Variants in DHRSX observed in about 807,000 individuals in gnomAD.
DHRSX encodes the protein polyprenol dehydrogenase.
A neutral mutation model predicts 34.0 loss-of-function variants in DHRSX; 31 were observed. The ratio of observed to expected loss-of-function variants is 0.91; its 90% CI spans 0.69 to 1.23. The LOEUF (loss-of-function observed/expected upper bound fraction) is 1.23, where lower values mean the gene tolerates loss of function less well. Ranked by LOEUF, DHRSX falls within the 50% of genes most tolerant of loss-of-function variation. The probability of loss-of-function intolerance (pLI) is 0.00; values close to 1 mark genes in which losing one functional copy is unlikely to be tolerated. For missense variants in DHRSX, 414 were observed against 428.1 expected (o/e 0.97, Z 0.29); for synonymous variants, 201 against 183.8 (o/e 1.09, Z -0.76).
At chrX:2,482,906 C>T (rs1052348296) in intron 1 of DHRSX, among the ~76,000 whole-genome samples, 20 of 152,150 alleles carry the variant, frequency 1.3e-4, no homozygotes, top group Middle Eastern at 3.2e-3. Context: ...CACGGGTCCA[C>T]CCGTCAGCCA....
At chrX:2,258,042 G>T (rs1348421891) in intron 5 of DHRSX, among the ~76,000 whole-genome samples, 4 of 151,960 alleles carry the variant, frequency 2.6e-5, no homozygotes, top group Non-Finnish European at 5.9e-5. Context: ...GACACACACA[G>T]AGGGACAACC....
chrX:2,291,509 G>C lies in DHRSX; in HGVS notation c.381C>G (p.Ile127Met). The C allele has an allele frequency of 6.2e-7, 1 of 1,613,336 alleles. No individual in the cohort carries two copies. Among genetic ancestry groups the C allele is most frequent in the African/African-American group, 1.3e-5 (1 of 75,000 alleles). Residue 127 changes from isoleucine (I) to methionine (M), a missense_variant, in exon 4 of 7, where the codon ATC (isoleucine) becomes ATG (methionine). Coordinates refer to ENST00000334651, the MANE Select transcript of DHRSX (RefSeq NM_145177.3). ...KMKKIPLHVL[I>M]NNAGVMMVPQ... is the part of the protein sequence containing the mutation. ...AATTTCACCAGGACTCACCATTGTT[G>C]ATCAGGACATGGAGAGGAATCTTCT...
intron 3 of DHRSX, among the ~76,000 whole-genome samples, chrX:2,360,376 A>G (rs927392353): frequency 6.6e-6 from 1 of 152,162 alleles, no homozygotes; most frequent in African/African-American, 2.4e-5. Flanking sequence ...CGAGGGCAGG[A>G]GTTCAAGACC....
intron 3 of DHRSX, chrX:2,392,423 C>A: frequency 3.4e-6 from 1 of 296,082 alleles, no homozygotes; most frequent in Non-Finnish European, 6.8e-6. Flanking sequence ...GGGAGGATCG[C>A]TTGAGTTCCA....
chrX:2,472,497 C>T (rs1190555438), intron 1 of DHRSX, among the ~76,000 whole-genome samples: 1 of 152,046 alleles, frequency 6.6e-6, no homozygotes, highest in Non-Finnish European at 1.5e-5. Context: ...AAAAGTAGGC[C>T]AGGAGCAGTG....
intron 1 of DHRSX, among the ~76,000 whole-genome samples, chrX:2,436,461 A>ATATTAT (rs1236612938): frequency 0.32 from 40,538 of 128,416 alleles, 7,129 homozygotes; most frequent in Non-Finnish European, 0.41. Context: ...TTGCAGCAAC[A>ATATTAT]TATTATTATT....
chrX:2,445,404 T>C (rs1350465891), intron 1 of DHRSX, among the ~76,000 whole-genome samples: 1 of 151,912 alleles, frequency 6.6e-6, no homozygotes, highest in Non-Finnish European at 1.5e-5. Flanking sequence ...TTTCTTTGAC[T>C]CCTCCTTCTT....
chrX:2,416,128 T>C (rs2043690144), intron 2 of DHRSX, among the ~76,000 whole-genome samples: 1 of 151,948 alleles, frequency 6.6e-6, no homozygotes, highest in African/African-American at 2.4e-5. Flanking sequence ...CTGACCCAAC[T>C]AGATCTCGTC....
chrX:2,484,100 G>C (rs922793518), intron 1 of DHRSX, among the ~76,000 whole-genome samples: 5 of 152,146 alleles, frequency 3.3e-5, no homozygotes, highest in African/African-American at 1.2e-4. Context: ...CTCAGCCTCA[G>C]TACCTGGGAT....
chrX:2,364,680 C>T (rs1191230890), intron 3 of DHRSX, among the ~76,000 whole-genome samples: 1 of 152,038 alleles, frequency 6.6e-6, no homozygotes, highest in Non-Finnish European at 1.5e-5. Flanking sequence ...CTATCATCTA[C>T]TTATCTACCA....
intron 2 of DHRSX, among the ~76,000 whole-genome samples, chrX:2,424,437 A>G (rs1316824062): frequency 6.6e-6 from 1 of 152,068 alleles, no homozygotes; most frequent in African/African-American, 2.4e-5. Context: ...GTCGGGAGGA[A>G]CCAGCCTTAC....
At chrX:2,310,110 C>T (rs1391353565) in intron 3 of DHRSX, among the ~76,000 whole-genome samples, 2 of 152,052 alleles carry the variant, frequency 1.3e-5, no homozygotes, top group Non-Finnish European at 2.9e-5. Context: ...CCAGAACCTC[C>T]GGGATCCAGG....
At chrX:2,328,209 G>C (rs1030159659) in intron 3 of DHRSX, among the ~76,000 whole-genome samples, 2 of 151,988 alleles carry the variant, frequency 1.3e-5, no homozygotes, top group African/African-American at 4.8e-5. Context: ...CCTACACCTT[G>C]ATCTTGGACT....
At chrX:2,416,050 A>T (rs1415363652) in intron 2 of DHRSX, among the ~76,000 whole-genome samples, 1 of 151,804 alleles carries the variant, frequency 6.6e-6, no homozygotes, top group Non-Finnish European at 1.5e-5. Flanking sequence ...CTCATGACCA[A>T]CCCAACCGGA....
At chrX:2,339,435 G>A (rs775880699) in intron 3 of DHRSX, among the ~76,000 whole-genome samples, 12 of 152,136 alleles carry the variant, frequency 7.9e-5, no homozygotes, top group Admixed American at 2.6e-4. Flanking sequence ...CACCACATCC[G>A]ATCACGAGTA....
chrX:2,285,406 G>C (rs1251391376), intron 4 of DHRSX, among the ~76,000 whole-genome samples: 1 of 152,118 alleles, frequency 6.6e-6, no homozygotes, highest in East Asian at 1.9e-4. Flanking sequence ...CTTTTCATAA[G>C]GAGTGCACAA....
chrX:2,482,609 C>G (rs747360711), intron 1 of DHRSX, among the ~76,000 whole-genome samples: 19 of 152,268 alleles, frequency 1.2e-4, no homozygotes, highest in African/African-American at 4.1e-4. Context: ...CTTTGCATTT[C>G]TTTCCCTCAA....
At chrX:2,419,923 C>G (rs1006081208) in intron 2 of DHRSX, among the ~76,000 whole-genome samples, 4 of 151,896 alleles carry the variant, frequency 2.6e-5, no homozygotes, top group Non-Finnish European at 4.4e-5. Flanking sequence ...ACATATGTAA[C>G]AAACCTGCAC....
chrX:2,394,724 G>A (rs1320256924), intron 3 of DHRSX, among the ~76,000 whole-genome samples: 2 of 152,136 alleles, frequency 1.3e-5, no homozygotes, highest in Non-Finnish European at 2.9e-5. Flanking sequence ...AAATTAGATG[G>A]GCGTGGTGGC....
Sources: allele counts gnomAD v4.1 joint callset (sites outside exome capture counted in the v4.1 genomes callset), GRCh38; gene constraint gnomAD v4.1.1; transcripts MANE v1.5; gene names NCBI Gene and HGNC (gene_info 2026-07-23, HGNC 2026-07-21).